The following MAN1A2 variants were observed in gnomAD, a reference collection of about 807,000 sequenced individuals.
MAN1A2 encodes the protein mannosyl-oligosaccharide 1,2-alpha-mannosidase IB.
In MAN1A2, 26 loss-of-function variants were observed where a neutral mutation model predicts 75.7. The ratio of observed to expected loss-of-function variants is 0.34; its 90% CI spans 0.25 to 0.48. MAN1A2 has a LOEUF of 0.48. MAN1A2 is among the 20% of genes least tolerant of loss of function. The pLI is 0.99. For missense variants in MAN1A2, 562 were observed against 775.5 expected, an observed-to-expected ratio of 0.72 and a Z score of 3.27; for synonymous variants, 247 against 264.6, an observed-to-expected ratio of 0.93 and a Z score of 0.65.
rs1367376504 is a variant in MAN1A2 at position 117,466,402 on chromosome 1, C to T, written c.1143C>T (p.Asn381=). Residue 381 remains asparagine, a synonymous_variant, in exon 8 of 13, where the codon AAC becomes AAT. Transcript: ENST00000356554. ...RPNGLYPNYL[N]PRTGRWGQYH... ...ATGGTCTTTATCCAAATTATTTGAA[C>T]CCCAGAACAGGGCGCTGGGGTCAGT... 6.2e-7 allele frequency: 1 copy of T among 1,610,860 alleles called. No individual in the cohort carries two copies.
intron 8 of MAN1A2, among the ~76,000 whole-genome samples, chr1:117,480,551 A>G (rs1232982252): frequency 6.6e-6 from 1 of 151,854 alleles, no homozygotes; most frequent in African/African-American, 2.4e-5. Context: ...TTTTAAAAAA[A>G]AAGTCAATTC....
intron 5 of MAN1A2, 111 bp downstream of exon 5, chr1:117,420,760 C>T: frequency 1.3e-6 from 1 of 791,930 alleles, no homozygotes; most frequent in South Asian, 1.6e-5. Context: ...TAATATTGAA[C>T]CAGTCTAGAA....
Position 117,383,317 on chromosome 1 carries a change from C to T in MAN1A2, c.302+14832C>T, listed in dbSNP as rs1435284020. ...CCTTGCATTTCTGGGATAAAGTCTA[C>T]CTGCCTATGCCTGTAGTTCTTTTAA... On this transcript the variant is annotated intron_variant, in intron 1 of 12. Coordinates refer to ENST00000356554, the MANE Select transcript of MAN1A2 (RefSeq NM_006699.5). Among the ~76,000 whole-genome samples, 3 of 152,118 alleles carry T rather than the reference C, an allele frequency of 2.0e-5. No homozygotes were observed. The South Asian group carries it at 6.2e-4, about 31-fold the overall frequency.
chr1:117,453,992 C>T (rs1649500208), intron 6 of MAN1A2, among the ~76,000 whole-genome samples: 1 of 152,190 alleles, frequency 6.6e-6, no homozygotes, highest in African/African-American at 2.4e-5. Flanking sequence ...AAGAGTATGA[C>T]TTGCTGAAAG....
At chr1:117,431,493 G>A (rs974569217) in intron 5 of MAN1A2, among the ~76,000 whole-genome samples, 3 of 152,118 alleles carry the variant, frequency 2.0e-5, no homozygotes, top group African/African-American at 7.2e-5. Flanking sequence ...AGTCCCGAAT[G>A]ACAGTATGAG....
At chr1:117,404,951 G>T (rs1647566327) in intron 2 of MAN1A2, among the ~76,000 whole-genome samples, 1 of 152,108 alleles carries the variant, frequency 6.6e-6, no homozygotes, top group African/African-American at 2.4e-5. Flanking sequence ...GGAGGCTGAG[G>T]CAGGAGAATG....
intron 8 of MAN1A2, among the ~76,000 whole-genome samples, chr1:117,466,723 T>C (rs2101842808): frequency 6.6e-6 from 1 of 152,248 alleles, no homozygotes; most frequent in East Asian, 1.9e-4. Flanking sequence ...AATTATATCT[T>C]CATGTAAATA....
chr1:117,377,076 G>T (rs1146300), intron 1 of MAN1A2, among the ~76,000 whole-genome samples: 1 of 151,882 alleles, frequency 6.6e-6, no homozygotes, highest in African/African-American at 2.4e-5. Context: ...ATATATACAT[G>T]AACATATTTA....
intron 12 of MAN1A2, among the ~76,000 whole-genome samples, chr1:117,505,660 A>G (rs1258612830): frequency 6.6e-6 from 1 of 151,350 alleles, no homozygotes; most frequent in African/African-American, 2.4e-5. Context: ...CTGGCAGTAC[A>G]TTCAGCATTG....
chr1:117,435,694 G>A (rs1337342309), intron 5 of MAN1A2, among the ~76,000 whole-genome samples: 1 of 152,160 alleles, frequency 6.6e-6, no homozygotes, highest in Non-Finnish European at 1.5e-5. Context: ...TAGAGGAACT[G>A]TTTATGATTT....
chr1:117,433,813 A>G (rs1648759551), intron 5 of MAN1A2, among the ~76,000 whole-genome samples: 2 of 152,210 alleles, frequency 1.3e-5, no homozygotes, highest in South Asian at 4.1e-4. Context: ...TGAACTTGCC[A>G]CTACCTATTA....
intron 1 of MAN1A2, among the ~76,000 whole-genome samples, chr1:117,382,300 T>C (rs1218408803): frequency 6.6e-6 from 1 of 152,196 alleles, no homozygotes; most frequent in Non-Finnish European, 1.5e-5. Flanking sequence ...TCTTCTAGGG[T>C]TTTTATGGTT....
chr1:117,403,298 A>G lies in MAN1A2; in HGVS notation c.558+857A>G, dbSNP rs561101387. Among the ~76,000 whole-genome samples, 18 of 152,372 alleles carry G rather than the reference A, an allele frequency of 1.2e-4. No individual in the cohort carries two copies. In the East Asian group the frequency reaches 2.5e-3, roughly 21 times the overall value. On this transcript the variant is annotated intron_variant, in intron 2 of 12. Coordinates refer to ENST00000356554, the MANE Select transcript of MAN1A2 (RefSeq NM_006699.5). ...TTTAAGCTTAGCCTTATGAATTATT[A>G]TAAAACCTTGACCTTGATGGAGTAG...
At chr1:117,508,262 T>C (rs1651430758) in intron 12 of MAN1A2, among the ~76,000 whole-genome samples, 1 of 151,684 alleles carries the variant, frequency 6.6e-6, no homozygotes, top group Admixed American at 6.6e-5. Flanking sequence ...CATTTTTTTC[T>C]GAGTTCATAT....
At chr1:117,429,509 G>T (rs1648512041) in intron 5 of MAN1A2, among the ~76,000 whole-genome samples, 1 of 102,188 alleles carries the variant, frequency 9.8e-6, no homozygotes, top group Non-Finnish European at 2.2e-5. Flanking sequence ...CCTCCCGGAC[G>T]GGGCGGCTGG....
chr1:117,431,141 T>C (rs1648629225), intron 5 of MAN1A2, among the ~76,000 whole-genome samples: 1 of 117,604 alleles, frequency 8.5e-6, no homozygotes, highest in South Asian at 3.7e-4. Context: ...TGAGCCGAGA[T>C]GGCAGCAGTA....
At position 117,374,397 on chromosome 1, in the gene MAN1A2, A is replaced by G. The variant is rs77199792; in HGVS notation, c.302+5912A>G. 6.6e-3 allele frequency among the ~76,000 whole-genome samples: 1,009 copies of G among 152,320 alleles called. 5 individuals are homozygous for G. Among genetic ancestry groups the G allele is most frequent in the Non-Finnish European group, 0.011 (750 of 68,032 alleles). ...CCCTAGTTGTGCAAATTCTGTCAGA[A>G]AAGTTTATTTTCACTGCTATTGAAT... On this transcript the variant is annotated intron_variant, in intron 1 of 12. Transcript: ENST00000356554.
intron 6 of MAN1A2, among the ~76,000 whole-genome samples, chr1:117,449,582 A>G (rs1649342518): frequency 6.6e-6 from 1 of 152,022 alleles, no homozygotes; most frequent in Non-Finnish European, 1.5e-5. Context: ...AAAGCTAGAA[A>G]TAATTAAGCT....
At position 117,368,422 on chromosome 1, in the gene MAN1A2, C is replaced by T. The variant is rs1570685717; in HGVS notation, c.239C>T (p.Ala80Val). ...GATGTGTTAATTCCACATGTAGATG[C>T]CGGTAAAGGGGCTAAAAACCCCGGA... Reference protein sequence around the residue: ...LEDVLIPHVDAGKGAKNPGVF... With the variant: ...LEDVLIPHVDVGKGAKNPGVF... Residue 80 changes from alanine (A) to valine (V), a missense_variant, in exon 1 of 13, where the codon GCC (alanine) becomes GTC (valine). By Grantham distance (64) the Ala-to-Val change is moderately conservative. Coordinates refer to ENST00000356554, the MANE Select transcript of MAN1A2 (RefSeq NM_006699.5). 5 of 1,613,960 alleles carry T rather than the reference C, an allele frequency of 3.1e-6. No homozygotes were observed. In the East Asian group the frequency reaches 1.1e-4, roughly 36 times the overall value.
Sources: allele counts gnomAD v4.1 joint callset (sites outside exome capture counted in the v4.1 genomes callset), GRCh38; gene constraint gnomAD v4.1.1; transcripts MANE v1.5; gene names NCBI Gene and HGNC (gene_info 2026-07-23, HGNC 2026-07-21).